ACOXL: variants seen among roughly 807,000 people sequenced by gnomAD.
ACOXL encodes the protein acyl-CoA oxidase like, also known as acyl-coenzyme A oxidase-like protein.
In ACOXL, 70 loss-of-function variants were observed where a neutral mutation model predicts 71.9. The ratio of observed to expected loss-of-function variants is 0.97; its 90% confidence interval spans 0.80 to 1.19. ACOXL has a LOEUF of 1.19. ACOXL is among the 50% of genes most tolerant of loss of function. The probability of loss-of-function intolerance (pLI) is 0.00; values close to 1 mark genes in which losing one functional copy is unlikely to be tolerated. For missense variants in ACOXL, 703 were observed against 736.3 expected, an observed-to-expected ratio of 0.95 and a Z score of 0.52; for synonymous variants, 253 against 281.6, an observed-to-expected ratio of 0.90 and a Z score of 1.02.
chr2:110,884,667 C>T (rs1288928867), intron 10 of ACOXL, among the ~76,000 whole-genome samples: 1 of 152,012 alleles, frequency 6.6e-6, no homozygotes, highest in Non-Finnish European at 1.5e-5. Flanking sequence ...TGCTGTAACC[C>T]CAGATGCTGA....
intron 16 of ACOXL, 81 bp downstream of exon 16, chr2:111,049,369 C>T (rs1452418413): frequency 9.6e-5 from 107 of 1,115,722 alleles, no homozygotes; most frequent in Non-Finnish European, 1.3e-4. Flanking sequence ...TTTTTACAAG[C>T]GGGAGTAAAT....
Position 111,078,056 on chromosome 2 carries a change from A to G in ACOXL, c.1441-14809A>G, listed in dbSNP as rs561844207. On this transcript the variant is annotated intron_variant, in intron 16 of 17. Coordinates refer to ENST00000439055, the MANE Select transcript of ACOXL (RefSeq NM_001142807.4). ...TGACATGAAGGTTAGACCTTTTGTT[A>G]CAATCCCACAGGTCCCTGGGGCTCT... is the stretch of plus-strand genomic sequence containing the variant. Among the ~76,000 whole-genome samples the G allele has an allele frequency of 1.2e-4, 18 of 152,262 alleles. No homozygotes were observed. In the South Asian group the frequency reaches 3.5e-3, roughly 30 times the overall value.
At chr2:110,958,134 C>T (rs1449534559) in intron 12 of ACOXL, among the ~76,000 whole-genome samples, 1 of 151,936 alleles carries the variant, frequency 6.6e-6, no homozygotes, top group Non-Finnish European at 1.5e-5. Flanking sequence ...TGCATACACA[C>T]GCACACACAC....
intron 9 of ACOXL, among the ~76,000 whole-genome samples, chr2:110,823,026 G>A (rs572177856): frequency 6.6e-6 from 1 of 152,252 alleles, no homozygotes; most frequent in African/African-American, 2.4e-5. Context: ...GCCGAAGCAG[G>A]TGGATCACCT....
At chr2:111,009,570 G>A (rs1176029945) in intron 14 of ACOXL, among the ~76,000 whole-genome samples, 5 of 151,628 alleles carry the variant, frequency 3.3e-5, no homozygotes, top group African/African-American at 7.3e-5. Flanking sequence ...CAAGATTAGT[G>A]AAAATGAAGG....
intron 10 of ACOXL, among the ~76,000 whole-genome samples, chr2:110,903,328 G>A (rs1466268356): frequency 3.9e-5 from 6 of 152,212 alleles, no homozygotes; most frequent in Admixed American, 1.3e-4. Context: ...TTAAGCAGCC[G>A]CGTTCAAAAT....
At chr2:110,966,390 C>T (rs951249769) in intron 12 of ACOXL, among the ~76,000 whole-genome samples, 3 of 152,206 alleles carry the variant, frequency 2.0e-5, no homozygotes, top group African/African-American at 7.2e-5. Context: ...CACCTGATGT[C>T]GATTAGACTA....
intron 10 of ACOXL, among the ~76,000 whole-genome samples, chr2:110,856,651 G>GT (rs1235808065): frequency 6.6e-6 from 1 of 152,198 alleles, no homozygotes; most frequent in African/African-American, 2.4e-5. Flanking sequence ...ATTGTAAAAG[G>GT]TACAGCCACA....
chr2:110,866,660 A>G (rs1694623170), intron 10 of ACOXL, among the ~76,000 whole-genome samples: 1 of 152,098 alleles, frequency 6.6e-6, no homozygotes, highest in African/African-American at 2.4e-5. Context: ...TGACTCAAGC[A>G]GAGGTGAAAG....
intron 12 of ACOXL, among the ~76,000 whole-genome samples, chr2:110,948,607 T>A (rs961389403): frequency 1.3e-5 from 2 of 150,514 alleles, no homozygotes; most frequent in African/African-American, 4.9e-5. Flanking sequence ...ATGTGGCTTC[T>A]GGTTTCTGTG....
chr2:110,808,181 A>C (rs952393265), intron 9 of ACOXL, among the ~76,000 whole-genome samples: 2 of 152,128 alleles, frequency 1.3e-5, no homozygotes, highest in Non-Finnish European at 2.9e-5. Flanking sequence ...GAGGCTGGGA[A>C]ACCTTTTCAG....
intron 1 of ACOXL, among the ~76,000 whole-genome samples, chr2:110,762,137 G>C (rs1242397914): frequency 6.6e-6 from 1 of 152,024 alleles, no homozygotes; most frequent in Non-Finnish European, 1.5e-5. Flanking sequence ...ATCTACTCTA[G>C]CTGATATAAA....
chr2:111,066,634 T>TA (rs1264367575), intron 16 of ACOXL, among the ~76,000 whole-genome samples: 1 of 152,026 alleles, frequency 6.6e-6, no homozygotes, highest in Non-Finnish European at 1.5e-5. Flanking sequence ...TTTAATTACA[T>TA]AAAAAAGCTT....
chr2:110,744,856 A>T (rs1271958363), intron 1 of ACOXL, among the ~76,000 whole-genome samples: 2 of 152,160 alleles, frequency 1.3e-5, no homozygotes, highest in Non-Finnish European at 2.9e-5. Flanking sequence ...GTATGAAGCT[A>T]GCCCTGGTGC....
At position 111,117,725 on chromosome 2, in the gene ACOXL, G is replaced by A; in HGVS notation, c.1652G>A (p.Arg551Gln). 5 of 1,551,696 alleles carry A rather than the reference G, an allele frequency of 3.2e-6. 1 individual carries two copies. Among genetic ancestry groups the A allele is most frequent in the Non-Finnish European group, 4.4e-6 (5 of 1,147,010 alleles). ...HAPIAGISNP[R>Q]AAWAFYPAPL... is the part of the protein sequence containing the mutation. ...CCAATCGCCGGAATCTCCAACCCGC[G>A]GGCCGCGTGGGCTTTCTACCCTGCA... The change falls in exon 18 of 18, where the codon CGG (arginine) becomes CAG (glutamine). Residue 551 changes from arginine to glutamine, a missense_variant. By Grantham distance (43) the Arg-to-Gln change is conservative. Coordinates refer to ENST00000439055, the MANE Select transcript of ACOXL (RefSeq NM_001142807.4).
At chr2:110,912,690 A>G (rs995335029) in intron 11 of ACOXL, among the ~76,000 whole-genome samples, 2 of 152,174 alleles carry the variant, frequency 1.3e-5, no homozygotes, top group Non-Finnish European at 2.9e-5. Context: ...ACTGTAGGTT[A>G]GGCAGTGGTT....
At chr2:110,892,955 A>T (rs1698089834) in intron 10 of ACOXL, among the ~76,000 whole-genome samples, 1 of 152,336 alleles carries the variant, frequency 6.6e-6, no homozygotes, top group South Asian at 2.1e-4. Flanking sequence ...CTATGTTGGT[A>T]GATTTTTTCC....
chr2:110,946,686 G>A (rs928579720), intron 12 of ACOXL, among the ~76,000 whole-genome samples: 3 of 152,144 alleles, frequency 2.0e-5, no homozygotes, highest in Admixed American at 6.5e-5. Context: ...TCTGAATTTG[G>A]GTAAGTCCTC....
In ACOXL at chr2:110,897,709, C is replaced by T. The variant is rs370757252; in HGVS notation, c.789-11080C>T. Among the ~76,000 whole-genome samples the T allele has an allele frequency of 1.6e-4, 24 of 147,118 alleles. No homozygotes were observed. In the South Asian group the frequency reaches 5.0e-3, roughly 31 times the overall value. On this transcript the variant is annotated intron_variant, in intron 10 of 17. Transcript: ENST00000439055. The stretch of plus-strand genomic sequence containing the variant: ...AACCTAGAAAAAGAAGAACAAAATA[C>T]GTGGAAAGGAAGCAAAAAGAATAAA...
Sources: gnomAD v4.1 joint callset for allele counts (sites outside exome capture counted in the v4.1 genomes callset) on GRCh38, gnomAD v4.1.1 for gene constraint, MANE v1.5 for transcripts, NCBI Gene and HGNC (gene_info 2026-07-23, HGNC 2026-07-21) for gene names.